Variants in ZC3H3 observed in about 807,000 individuals in gnomAD.
ZC3H3 encodes zinc finger CCCH-type containing 3.
In ZC3H3, 36 loss-of-function variants were observed where a neutral mutation model predicts 77.3. The observed-to-expected ratio is 0.47, with a 90% CI of 0.36 to 0.61. The LOEUF is 0.61. Ranked by LOEUF, ZC3H3 falls within the 20% of genes least tolerant of loss-of-function variation. The pLI is 0.00. For synonymous variants in ZC3H3, 626 were observed against 555.2 expected (o/e 1.13, Z -1.79); for missense variants, 1,331 against 1,312.2 (o/e 1.01, Z -0.22).
At chr8:143,510,167 T>C (rs1405562029) in intron 3 of ZC3H3, among the ~76,000 whole-genome samples, 1 of 151,762 alleles carries the variant, frequency 6.6e-6, no homozygotes, top group African/African-American at 2.4e-5. Flanking sequence ...CACACGGTAA[T>C]AACGCAGCGC....
chr8:143,472,278 C>G lies in ZC3H3; in HGVS notation c.1903+3120G>C, dbSNP rs142813562. On this transcript the variant is annotated intron_variant, in intron 5 of 11. Transcript: ENST00000262577. ...AGACTGGCTCTCTGATGGCTCTGGGCCAAGGGAAGGGCCAACGGAGGCAGA... is the reference window on the plus strand; with the variant it reads ...AGACTGGCTCTCTGATGGCTCTGGGGCAAGGGAAGGGCCAACGGAGGCAGA... Among the ~76,000 whole-genome samples the G allele has an allele frequency of 5.1e-3, 778 of 152,358 alleles. 8 individuals are homozygous for G. Among genetic ancestry groups the G allele is most frequent in the Non-Finnish European group, 8.2e-3 (558 of 68,026 alleles).
intron 3 of ZC3H3, among the ~76,000 whole-genome samples, chr8:143,517,809 G>A (rs1176994253): frequency 2.6e-5 from 4 of 152,094 alleles, no homozygotes; most frequent in Non-Finnish European, 5.9e-5. Context: ...TGCCTGCCCC[G>A]CACCTGAGCT....
chr8:143,509,725 AGGGACACTGGGCCACACTC>A lies in ZC3H3; in HGVS notation c.1562-1845_1562-1827del, dbSNP rs1297755492. ...GCCAGGTGGGGCCAAGCAAGGCAGG[AGGGACACTGGGCCACACTC>A]GGGACACTGGGCCACCCTCGGGCCC... On this transcript the variant is annotated intron_variant, in intron 3 of 11. Coordinates refer to ENST00000262577, the MANE Select transcript of ZC3H3 (RefSeq NM_015117.3). Among the ~76,000 whole-genome samples, 5 of 152,278 alleles carry A rather than the reference AGGGACACTGGGCCACACTC, an allele frequency of 3.3e-5. No homozygotes were observed. In the East Asian group the frequency reaches 5.8e-4, roughly 18 times the overall value.
intron 4 of ZC3H3, among the ~76,000 whole-genome samples, chr8:143,489,149 C>T (rs1243952042): frequency 1.3e-5 from 2 of 152,226 alleles, no homozygotes; most frequent in Admixed American, 6.5e-5. Context: ...TTGTGTCTAC[C>T]TGGCCAAATG....
intron 10 of ZC3H3, 131 bp downstream of exon 10, chr8:143,440,805 A>T (rs2294116): frequency 0.64 from 675,001 of 1,055,208 alleles, 217,795 homozygotes; most frequent in African/African-American, 0.66. Flanking sequence ...AGCCTTGGAT[A>T]GGGATTTCTT....
chr8:143,536,657 C>T (rs769658182), intron 2 of ZC3H3, among the ~76,000 whole-genome samples: 2 of 152,172 alleles, frequency 1.3e-5, no homozygotes, highest in Admixed American at 1.3e-4. Context: ...AGGCTTGGAT[C>T]CACAATCCCA....
At chr8:143,511,205 T>C in intron 3 of ZC3H3, among the ~76,000 whole-genome samples, 1 of 152,066 alleles carries the variant, frequency 6.6e-6, no homozygotes. Context: ...CAATGACGCA[T>C]CATCAGGAGG....
rs1183001061 is a variant in ZC3H3, at chr8:143,533,713, A to G, written c.1561+2544T>C. On this transcript the variant is annotated intron_variant, in intron 3 of 11. Transcript: ENST00000262577. This position sits in a 1 kb window ranked among gnomAD's most constrained non-coding sequence, Gnocchi z 4.0. ...TTTTTTTTTTTTTTTTTGAGACAAA[A>G]TGTCACTCTGTCGCCCAGGCTGGAG... Among the ~76,000 whole-genome samples, 1 of 149,142 alleles carries G rather than the reference A, an allele frequency of 6.7e-6. No individual in the cohort carries two copies. Among genetic ancestry groups the G allele is most frequent in the Non-Finnish European group, 1.5e-5 (1 of 67,364 alleles).
At chr8:143,480,209 T>A (rs1268937695) in intron 4 of ZC3H3, among the ~76,000 whole-genome samples, 9 of 152,068 alleles carry the variant, frequency 5.9e-5, no homozygotes, top group Admixed American at 5.9e-4. Flanking sequence ...CACTCTGAGG[T>A]CTTGGTTTTC....
At chr8:143,510,843 G>A (rs891485688) in intron 3 of ZC3H3, among the ~76,000 whole-genome samples, 4 of 152,060 alleles carry the variant, frequency 2.6e-5, no homozygotes, top group East Asian at 1.9e-4. Flanking sequence ...TTTTCTCCAC[G>A]TGATGCATTC....
Position 143,465,866 on chromosome 8 carries a change from A to C in ZC3H3, c.2176-18T>G. 1 of 1,604,864 alleles carries C rather than the reference A, an allele frequency of 6.2e-7. No individual in the cohort carries two copies. The highest frequency in any genetic ancestry group is 1.3e-5 in the African/African-American group (1 of 75,004). ...ACCGGCATCTGCAGGGAGGGCCGGC[A>C]GTGAGGGCCAGCAGGCAGCCACCCT... On this transcript the variant is annotated intron_variant, in intron 8 of 11. Transcript: ENST00000262577.
At position 143,497,188 on chromosome 8, in the gene ZC3H3, G is replaced by A. The variant is rs568677159; in HGVS notation, c.1715+10558C>T. The stretch of plus-strand genomic sequence containing the variant: ...TATCCCAAAAAATTAAACGCAAGAA[G>A]CTAGTTAGGAGAGGAAAGAGGAGAG... On this transcript the variant is annotated intron_variant, in intron 4 of 11. Transcript: ENST00000262577. 6.6e-5 allele frequency among the ~76,000 whole-genome samples: 10 copies of A among 152,338 alleles called. No individual in the cohort carries two copies. In the East Asian group the frequency reaches 1.5e-3, roughly 23 times the overall value.
In ZC3H3 at chr8:143,441,074, C is replaced by G. The variant is rs1200307785; in HGVS notation, c.2354G>C (p.Gly785Ala). Residue 785 changes from glycine to alanine, a missense_variant, in exon 10 of 12, where the codon GGG becomes GCG. Coordinates refer to ENST00000262577, the MANE Select transcript of ZC3H3 (RefSeq NM_015117.3). ...TLLCPDFARR[G>A]ACPRGAQCQL... is the part of the protein sequence containing the mutation. ...GCACTGGGCGCCGCGGGGACACGCCCCCCTGCGGGCAAAGTCGGGGCACAG... is the reference window on the plus strand; with the variant it reads ...GCACTGGGCGCCGCGGGGACACGCCGCCCTGCGGGCAAAGTCGGGGCACAG... 2 of 1,470,358 alleles carry G rather than the reference C, an allele frequency of 1.4e-6. No individual in the cohort carries two copies. The highest frequency in any genetic ancestry group is 1.8e-6 in the Non-Finnish European group (2 of 1,122,274). 91.1% of individuals were successfully genotyped at this position (1,470,358 alleles called of 1,614,324 possible).
At chr8:143,471,454 G>A (rs900748480) in intron 5 of ZC3H3, among the ~76,000 whole-genome samples, 1 of 152,258 alleles carries the variant, frequency 6.6e-6, no homozygotes, top group African/African-American at 2.4e-5. Context: ...GGAGGGCCAC[G>A]GCCACAGGTG....
At position 143,494,479 on chromosome 8, in the gene ZC3H3, T is replaced by A. The variant is rs1313698317; in HGVS notation, c.1715+13267A>T. The stretch of plus-strand genomic sequence containing the variant: ...GTGAGCACAGGACCTCACCCCACAG[T>A]GCAGGAGCCTGTGGCCACCCCTGCC... On this transcript the variant is annotated intron_variant, in intron 4 of 11. Transcript: ENST00000262577. This position sits in a 1 kb window ranked among gnomAD's most constrained non-coding sequence, Gnocchi z 5.3. Among the ~76,000 whole-genome samples the A allele has an allele frequency of 6.6e-6, 1 of 152,048 alleles. No homozygotes were observed. Among genetic ancestry groups the A allele is most frequent in the Non-Finnish European group, 1.5e-5 (1 of 68,004 alleles).
chr8:143,506,757 A>C (rs1179092792), intron 4 of ZC3H3, among the ~76,000 whole-genome samples: 1 of 152,222 alleles, frequency 6.6e-6, no homozygotes. Flanking sequence ...TGGGCTCGCC[A>C]GCTGGCTGAC....
In ZC3H3 at chr8:143,530,213, T is replaced by A. The variant is rs1029969857; in HGVS notation, c.1561+6044A>T. Among the ~76,000 whole-genome samples the A allele has an allele frequency of 9.2e-4, 140 of 151,890 alleles. No individual in the cohort carries two copies. Among genetic ancestry groups the A allele is most frequent in the Non-Finnish European group, 6.8e-4 (46 of 67,912 alleles). Reference sequence around the variant, plus strand: ...CCAGGCCCTTTCTGTCCACCACAGGTGTGCCCAGGACCTGCCAGGCCCGCA... The same window carrying A: ...CCAGGCCCTTTCTGTCCACCACAGGAGTGCCCAGGACCTGCCAGGCCCGCA... On this transcript the variant is annotated intron_variant, in intron 3 of 11. Coordinates refer to ENST00000262577, the MANE Select transcript of ZC3H3 (RefSeq NM_015117.3). This position sits in a 1 kb window ranked among gnomAD's most constrained non-coding sequence, Gnocchi z 4.3.
rs191137403 is a variant in ZC3H3 at position 143,440,767 on chromosome 8, G to A, written c.2492+169C>T. Among the ~76,000 whole-genome samples the A allele has an allele frequency of 6.6e-5, 10 of 152,348 alleles. No individual in the cohort carries two copies. In the East Asian group the frequency reaches 1.5e-3, roughly 24 times the overall value. On this transcript the variant is annotated intron_variant, in intron 10 of 11. Coordinates refer to ENST00000262577, the MANE Select transcript of ZC3H3 (RefSeq NM_015117.3). ...CTGTCCAGACTTGGAAGTGGGGTAG[G>A]GGCATCTCTGGAGGTCATGTGATCC...
chr8:143,480,104 G>A (rs1051591038), intron 4 of ZC3H3, among the ~76,000 whole-genome samples: 13 of 152,214 alleles, frequency 8.5e-5, no homozygotes, highest in Non-Finnish European at 1.0e-4. Context: ...AGTGGGGGCC[G>A]GGCGGACCTC....
Sources: allele counts gnomAD v4.1 joint callset (sites outside exome capture counted in the v4.1 genomes callset), GRCh38; gene constraint gnomAD v4.1.1; non-coding constraint Gnocchi (gnomAD v3.1); transcripts MANE v1.5; gene names NCBI Gene and HGNC (gene_info 2026-07-23, HGNC 2026-07-21).